Variants in GRID2 observed in about 807,000 individuals in gnomAD.
The protein encoded by GRID2 is glutamate receptor ionotropic, delta-2.
Under a neutral mutation model 114.8 loss-of-function variants are expected in GRID2, and 33 were observed. The ratio of observed to expected loss-of-function variants is 0.29; its 90% CI spans 0.22 to 0.38. The LOEUF (loss-of-function observed/expected upper bound fraction) is 0.38, where lower values mean the gene tolerates loss of function less well. Among genes scored for constraint, GRID2 ranks in the 10% least tolerant of loss-of-function variants. GRID2 has a pLI of 1.00. For synonymous variants in GRID2, 505 were observed against 449.9 expected (o/e 1.12, Z -1.55); for missense variants, 1,184 against 1,257.7 (o/e 0.94, Z 0.89).
At chr4:92,631,873 C>T (rs375449876) in intron 2 of GRID2, among the ~76,000 whole-genome samples, 40 of 152,150 alleles carry the variant, frequency 2.6e-4, no homozygotes, top group African/African-American at 8.7e-4. Flanking sequence ...CCCCAATGAA[C>T]GTTTTAATAG....
At chr4:92,724,068 A>G (rs1735939549) in intron 2 of GRID2, among the ~76,000 whole-genome samples, 1 of 152,186 alleles carries the variant, frequency 6.6e-6, no homozygotes, top group South Asian at 2.1e-4. Flanking sequence ...AGGAGGGTTT[A>G]TCAATTAAAA....
chr4:93,775,543 C>T (rs1273041040), downstream of GRID2, among the ~76,000 whole-genome samples: 1 of 152,182 alleles, frequency 6.6e-6, no homozygotes, highest in Non-Finnish European at 1.5e-5. Flanking sequence ...TAGCTAGCAG[C>T]AAAACTAAGG....
chr4:92,585,707 C>T (rs1455228383), intron 1 of GRID2, among the ~76,000 whole-genome samples: 2 of 151,768 alleles, frequency 1.3e-5, no homozygotes, highest in African/African-American at 4.8e-5. Context: ...AGGATGAACA[C>T]ATAATTTTTT....
At chr4:93,168,538 A>G (rs1487226369) in intron 4 of GRID2, among the ~76,000 whole-genome samples, 2 of 152,100 alleles carry the variant, frequency 1.3e-5, no homozygotes, top group Non-Finnish European at 2.9e-5. Context: ...ATAAGAAATC[A>G]TGGGATTCCA....
At position 92,486,108 on chromosome 4, in the gene GRID2, A is replaced by T. The variant is rs183397815; in HGVS notation, c.89-104023A>T. On this transcript the variant is annotated intron_variant, in intron 1 of 15. Transcript: ENST00000282020. ...TAAAACATAAAGTGGCCAATTCAAC[A>T]TTCCAGCCAGTATGTAAATCTTATA... 4.4e-4 allele frequency among the ~76,000 whole-genome samples: 67 copies of T among 151,944 alleles called. No individual in the cohort carries two copies. In the East Asian group the frequency reaches 0.013, roughly 29 times the overall value.
intron 2 of GRID2, among the ~76,000 whole-genome samples, chr4:92,766,319 A>G (rs1276747554): frequency 2.0e-5 from 3 of 152,068 alleles, no homozygotes; most frequent in African/African-American, 7.2e-5. Flanking sequence ...TGGGAGGATC[A>G]TGAGGTCAGG....
intron 12 of GRID2, among the ~76,000 whole-genome samples, chr4:93,514,170 A>C (rs1485523448): frequency 6.6e-6 from 1 of 152,180 alleles, no homozygotes; most frequent in Non-Finnish European, 1.5e-5. Flanking sequence ...GGGCACCTAC[A>C]CAAATTCAAT....
chr4:93,233,178 C>T (rs903283687), intron 7 of GRID2, among the ~76,000 whole-genome samples: 24 of 151,956 alleles, frequency 1.6e-4, no homozygotes, highest in African/African-American at 5.8e-4. Context: ...CACATTGAAG[C>T]ACCTGAAATA....
intron 2 of GRID2, among the ~76,000 whole-genome samples, chr4:92,715,664 G>A (rs909632381): frequency 7.2e-5 from 11 of 152,100 alleles, no homozygotes; most frequent in African/African-American, 2.7e-4. Flanking sequence ...AGCGAGTGCA[G>A]GGAAACTACC....
chr4:93,375,424 G>A (rs1365299533), intron 8 of GRID2, among the ~76,000 whole-genome samples: 1 of 151,944 alleles, frequency 6.6e-6, no homozygotes, highest in Admixed American at 6.6e-5. Context: ...TGTTGGCCAG[G>A]CTGGTCTTGA....
At chr4:92,439,265 T>G (rs1298649760) in intron 1 of GRID2, among the ~76,000 whole-genome samples, 1 of 152,038 alleles carries the variant, frequency 6.6e-6, no homozygotes, top group African/African-American at 2.4e-5. Context: ...ACACTTCTTT[T>G]GTGGTGGAAT....
At chr4:92,849,988 A>C (rs1267566157) in intron 2 of GRID2, among the ~76,000 whole-genome samples, 1 of 151,464 alleles carries the variant, frequency 6.6e-6, no homozygotes, top group East Asian at 1.9e-4. Flanking sequence ...AATTAATCAC[A>C]TGATATGCCA....
intron 1 of GRID2, among the ~76,000 whole-genome samples, chr4:92,558,840 A>G (rs1251234580): frequency 6.6e-6 from 1 of 152,178 alleles, no homozygotes; most frequent in Non-Finnish European, 1.5e-5. Context: ...ATTCATTACT[A>G]GAGCTGATGG....
At chr4:93,008,580 T>A (rs1721802951) in intron 2 of GRID2, among the ~76,000 whole-genome samples, 1 of 152,130 alleles carries the variant, frequency 6.6e-6, no homozygotes, top group Admixed American at 6.6e-5. Flanking sequence ...AGTTTTTTTG[T>A]TGTTGCTTGC....
chr4:92,876,990 T>C (rs1745681734), intron 2 of GRID2, among the ~76,000 whole-genome samples: 1 of 152,250 alleles, frequency 6.6e-6, no homozygotes, highest in Non-Finnish European at 1.5e-5. Flanking sequence ...GAGAACATGT[T>C]ACTTCAACAT....
intron 14 of GRID2, among the ~76,000 whole-genome samples, chr4:93,711,275 T>C (rs1290081579): frequency 6.6e-6 from 1 of 152,110 alleles, no homozygotes; most frequent in Non-Finnish European, 1.5e-5. Context: ...TCCAAGGGCT[T>C]TTTAGTCAGC....
At chr4:93,292,496 C>T (rs1253276092) in intron 8 of GRID2, among the ~76,000 whole-genome samples, 1 of 151,990 alleles carries the variant, frequency 6.6e-6, no homozygotes, top group Admixed American at 6.6e-5. Context: ...TCTTTTAGGC[C>T]CTTTTCTTTC....
intron 8 of GRID2, among the ~76,000 whole-genome samples, chr4:93,246,191 T>C (rs944509409): frequency 6.6e-6 from 1 of 152,178 alleles, no homozygotes; most frequent in Non-Finnish European, 1.5e-5. Flanking sequence ...GTCTTTATAG[T>C]TTAAGCCCAT....
chr4:93,341,237 TA>T (rs1759617768), intron 8 of GRID2, among the ~76,000 whole-genome samples: 1 of 152,202 alleles, frequency 6.6e-6, no homozygotes, highest in Non-Finnish European at 1.5e-5. Context: ...TGACCAAATG[TA>T]AAACAGCATG....
Sources: gnomAD v4.1 joint callset for allele counts (sites outside exome capture counted in the v4.1 genomes callset) on GRCh38, gnomAD v4.1.1 for gene constraint, MANE v1.5 for transcripts, NCBI Gene and HGNC (gene_info 2026-07-23, HGNC 2026-07-21) for gene names.